EXOC6: variants seen among roughly 807,000 people sequenced by gnomAD.
The protein encoded by EXOC6 is exocyst complex component 6.
A neutral mutation model predicts 112.5 loss-of-function variants in EXOC6; 60 were observed. That is an observed-to-expected ratio of 0.53 (90% CI 0.43 to 0.66). The LOEUF (loss-of-function observed/expected upper bound fraction) is 0.66, where lower values mean the gene tolerates loss of function less well. EXOC6 is among the 30% of genes least tolerant of loss of function. The pLI is 0.00. For synonymous variants in EXOC6, 295 were observed against 308.0 expected, an observed-to-expected ratio of 0.96 and a Z score of 0.44; for missense variants, 855 against 957.1, an observed-to-expected ratio of 0.89 and a Z score of 1.41.
chr10:92,967,304 G>A (rs1203225936), intron 17 of EXOC6, among the ~76,000 whole-genome samples: 1 of 151,960 alleles, frequency 6.6e-6, no homozygotes, highest in Non-Finnish European at 1.5e-5. Flanking sequence ...GGTGTGAATG[G>A]TTTTGTCATC....
intron 20 of EXOC6, among the ~76,000 whole-genome samples, chr10:93,024,255 A>AT (rs1346176555): frequency 3.9e-5 from 6 of 152,192 alleles, no homozygotes; most frequent in Admixed American, 6.5e-5. Context: ...TAATGAAACA[A>AT]TCCTTTGCCC....
At chr10:92,902,597 TTTTG>T (rs1165356255) in intron 5 of EXOC6, among the ~76,000 whole-genome samples, 1 of 152,134 alleles carries the variant, frequency 6.6e-6, no homozygotes, top group Non-Finnish European at 1.5e-5. Context: ...ACTTGTACAT[TTTTG>T]TTTATGTTAT....
At chr10:93,055,834 G>C (rs1846513558) in intron 20 of EXOC6, among the ~76,000 whole-genome samples, 1 of 152,104 alleles carries the variant, frequency 6.6e-6, no homozygotes, top group Admixed American at 6.5e-5. Flanking sequence ...AATTGGATGG[G>C]GAAATAGTCA....
intron 20 of EXOC6, among the ~76,000 whole-genome samples, chr10:93,017,422 C>T (rs1844580864): frequency 6.6e-6 from 1 of 151,426 alleles, no homozygotes; most frequent in Non-Finnish European, 1.5e-5. Flanking sequence ...AACCCTGTCT[C>T]TTCTAAAATA....
chr10:92,965,845 A>G (rs949840235), intron 17 of EXOC6, among the ~76,000 whole-genome samples: 1 of 152,166 alleles, frequency 6.6e-6, no homozygotes, highest in African/African-American at 2.4e-5. Flanking sequence ...TGGATTATAA[A>G]ATAAGCAGAA....
intron 18 of EXOC6, among the ~76,000 whole-genome samples, chr10:92,992,821 A>G (rs1015207134): frequency 5.3e-5 from 8 of 151,888 alleles, no homozygotes; most frequent in Non-Finnish European, 1.0e-4. Context: ...TTTAAAATAC[A>G]CATACTCTTT....
At chr10:92,854,229 A>G (rs1344565606) in intron 1 of EXOC6, among the ~76,000 whole-genome samples, 2 of 151,948 alleles carry the variant, frequency 1.3e-5, no homozygotes, top group Non-Finnish European at 2.9e-5. Context: ...CACAAGGTCA[A>G]GAGATTGAAA....
At chr10:92,913,614 A>G (rs1216234913) in intron 6 of EXOC6, among the ~76,000 whole-genome samples, 2 of 152,200 alleles carry the variant, frequency 1.3e-5, no homozygotes, top group Admixed American at 1.3e-4. Context: ...GCGGGCTTGA[A>G]CATCACCTTG....
intron 20 of EXOC6, among the ~76,000 whole-genome samples, chr10:93,050,575 T>C (rs978735875): frequency 6.6e-6 from 1 of 151,506 alleles, no homozygotes; most frequent in Non-Finnish European, 1.5e-5. Flanking sequence ...CTGACCAACA[T>C]GGTGAAACCC....
At chr10:92,879,944 A>G (rs1349858126) in intron 1 of EXOC6, among the ~76,000 whole-genome samples, 2 of 152,172 alleles carry the variant, frequency 1.3e-5, no homozygotes, top group African/African-American at 2.4e-5. Flanking sequence ...AAACAGTTAT[A>G]TTAAAGCAAT....
intron 13 of EXOC6, among the ~76,000 whole-genome samples, chr10:92,946,980 ATCT>A (rs1160905263): frequency 1.3e-5 from 2 of 152,208 alleles, no homozygotes; most frequent in Non-Finnish European, 2.9e-5. Flanking sequence ...TTGTTTGTGT[ATCT>A]ATCTCTCCTA....
chr10:92,945,672 A>C (rs1343470001), intron 13 of EXOC6, among the ~76,000 whole-genome samples: 2 of 152,132 alleles, frequency 1.3e-5, no homozygotes, highest in Non-Finnish European at 2.9e-5. Flanking sequence ...ATTGTCTTCT[A>C]GTAGTTACTT....
chr10:92,924,893 T>A lies in EXOC6; in HGVS notation c.889-3446T>A, dbSNP rs554480925. On this transcript the variant is annotated intron_variant, in intron 8 of 21. Transcript: ENST00000260762. ...TGCCTCTGTATACCCATAGCTTAGCTCCCACTGATGAGTGAGAACATGCAG... is the reference window on the plus strand; with the variant it reads ...TGCCTCTGTATACCCATAGCTTAGCACCCACTGATGAGTGAGAACATGCAG... Among the ~76,000 whole-genome samples the A allele has an allele frequency of 3.3e-5, 5 of 152,280 alleles. No individual in the cohort carries two copies. In the East Asian group the frequency reaches 9.7e-4, roughly 29 times the overall value.
At chr10:92,950,458 C>A (rs1162936851) in intron 14 of EXOC6, among the ~76,000 whole-genome samples, 2 of 152,054 alleles carry the variant, frequency 1.3e-5, no homozygotes, top group East Asian at 3.8e-4. Context: ...AAATATTTTT[C>A]ATATACCTAC....
Position 93,036,231 on chromosome 10 carries a change from G to GA in EXOC6, c.2170-20685dup, listed in dbSNP as rs906394449. ...GAAACTCCATCTCAAAAAAAAAAAA[G>GA]AAAAAAAAGAGAAAGCTCTTATTTT... On this transcript the variant is annotated intron_variant, in intron 20 of 21. Transcript: ENST00000260762. 2.2e-5 allele frequency among the ~76,000 whole-genome samples: 3 copies of GA among 136,748 alleles called. No homozygotes were observed. The South Asian group carries it at 7.2e-4, about 33-fold the overall frequency. 89.7% of individuals were successfully genotyped at this position (136,748 alleles called of 152,430 possible).
chr10:92,925,060 G>C (rs1483673078), intron 8 of EXOC6, among the ~76,000 whole-genome samples: 1 of 152,052 alleles, frequency 6.6e-6, no homozygotes, highest in Non-Finnish European at 1.5e-5. Flanking sequence ...TCCAAAAGTT[G>C]AACAGGTTTT....
chr10:93,022,533 C>G (rs1844835216), intron 20 of EXOC6, among the ~76,000 whole-genome samples: 1 of 151,948 alleles, frequency 6.6e-6, no homozygotes, highest in Non-Finnish European at 1.5e-5. Context: ...CTTCTGTATT[C>G]CAAAATAAGA....
At chr10:92,866,008 C>A (rs1002649473) in intron 1 of EXOC6, among the ~76,000 whole-genome samples, 3 of 151,926 alleles carry the variant, frequency 2.0e-5, no homozygotes, top group Admixed American at 6.6e-5. Context: ...GTTGGTCTTG[C>A]TGTCTCAGGG....
chr10:93,038,287 C>T (rs1260075896), intron 20 of EXOC6, among the ~76,000 whole-genome samples: 2 of 151,986 alleles, frequency 1.3e-5, no homozygotes, highest in Non-Finnish European at 2.9e-5. Flanking sequence ...CCTAGACAAC[C>T]TATACTGTAT....
Sources: allele counts gnomAD v4.1 joint callset (sites outside exome capture counted in the v4.1 genomes callset), GRCh38; gene constraint gnomAD v4.1.1; transcripts MANE v1.5; gene names NCBI Gene and HGNC (gene_info 2026-07-23, HGNC 2026-07-21).